Variants in FUT8 observed in about 807,000 individuals in gnomAD.
FUT8 encodes alpha-(1,6)-fucosyltransferase.
FUT8 carries 29 observed loss-of-function variants against 71.3 expected under a neutral mutation model. The ratio of observed to expected loss-of-function variants is 0.41; its 90% confidence interval spans 0.30 to 0.55. The LOEUF is 0.55. Ranked by LOEUF, FUT8 falls within the 20% of genes least tolerant of loss-of-function variation. FUT8 has a pLI of 0.34. For missense variants in FUT8, 544 were observed against 702.1 expected, an observed-to-expected ratio of 0.77 and a Z score of 2.55; for synonymous variants, 254 against 239.3, an observed-to-expected ratio of 1.06 and a Z score of -0.57.
intron 5 of FUT8, among the ~76,000 whole-genome samples, chr14:65,624,133 A>G (rs544901578): frequency 1.1e-4 from 16 of 152,336 alleles, no homozygotes; most frequent in African/African-American, 3.8e-4. Context: ...TTAAGGTTGT[A>G]TCCTGGACTT....
chr14:65,602,068 C>T lies in FUT8; in HGVS notation c.204-13910C>T, dbSNP rs557706164. Among the ~76,000 whole-genome samples the T allele has an allele frequency of 3.3e-5, 5 of 151,668 alleles. No individual in the cohort carries two copies. The South Asian group carries it at 1.0e-3, about 32-fold the overall frequency. ...AGTGGTGATTTGTGAGATTTTGATA[C>T]ACTCATCACCCGAGCAGTATACGCT... On this transcript the variant is annotated intron_variant, in intron 3 of 10. Coordinates refer to ENST00000673929, the MANE Select transcript of FUT8 (RefSeq NM_001371533.1).
rs941895119 is a variant in FUT8 at position 65,638,054 on chromosome 14, T to G, written c.597+8448T>G. Among the ~76,000 whole-genome samples the G allele has an allele frequency of 1.3e-5, 2 of 152,208 alleles. No individual in the cohort carries two copies. The highest frequency in any genetic ancestry group is 4.8e-5 in the African/African-American group (2 of 41,452). ...AACATTTAGGTTGATTTATTGCACC[T>G]GCGCCTAAGTTGGGTCAGTCGTTTC... On this transcript the variant is annotated intron_variant, in intron 6 of 10. Coordinates refer to ENST00000673929, the MANE Select transcript of FUT8 (RefSeq NM_001371533.1). This position sits in a 1 kb window ranked among gnomAD's most constrained non-coding sequence, Gnocchi z 4.5.
At chr14:65,608,801 C>CTTTCT (rs1888722994) in intron 3 of FUT8, among the ~76,000 whole-genome samples, 1 of 152,006 alleles carries the variant, frequency 6.6e-6, no homozygotes. Flanking sequence ...ATTGCTGCAG[C>CTTTCT]TGCACAGTCC....
chr14:65,475,294 G>A (rs1373303637), intron 2 of FUT8, among the ~76,000 whole-genome samples: 2 of 152,136 alleles, frequency 1.3e-5, no homozygotes, highest in East Asian at 1.9e-4. Flanking sequence ...CTCCCAAAAT[G>A]TGATTGAAAA....
rs58529276 is a variant in FUT8 at position 65,565,583 on chromosome 14, C to T, written c.203+3817C>T. On this transcript the variant is annotated intron_variant, in intron 3 of 10. Coordinates refer to ENST00000673929, the MANE Select transcript of FUT8 (RefSeq NM_001371533.1). ...ATATTTAACTTTATAAGAAGCAACC[C>T]AGTTCTTTTTCTAGAGTACCTGTAC... 1.2e-3 allele frequency among the ~76,000 whole-genome samples: 187 copies of T among 152,016 alleles called. 1 individual carries two copies. Among genetic ancestry groups the T allele is most frequent in the African/African-American group, 4.4e-3 (184 of 41,490 alleles).
intron 7 of FUT8, among the ~76,000 whole-genome samples, chr14:65,708,940 T>TATG (rs1176222953): frequency 5.3e-5 from 8 of 152,182 alleles, no homozygotes; most frequent in Admixed American, 5.2e-4. Flanking sequence ...TCTGTGGTAC[T>TATG]GCATGGTGAC....
chr14:65,464,528 C>A (rs1254086764), intron 2 of FUT8, among the ~76,000 whole-genome samples: 1 of 151,992 alleles, frequency 6.6e-6, no homozygotes, highest in Non-Finnish European at 1.5e-5. Flanking sequence ...TGGAGGAAAT[C>A]CTCCTCTATT....
intron 7 of FUT8, among the ~76,000 whole-genome samples, chr14:65,699,336 T>C (rs1455647386): frequency 1.3e-5 from 2 of 152,244 alleles, no homozygotes; most frequent in African/African-American, 4.8e-5. Context: ...CTCTGGAGTC[T>C]GACTGGTCTG....
At position 65,524,415 on chromosome 14, in the gene FUT8, A is replaced by G. The variant is rs186525270; in HGVS notation, c.-227-36922A>G. Among the ~76,000 whole-genome samples, 430 of 152,278 alleles carry G rather than the reference A, an allele frequency of 2.8e-3. 2 individuals are homozygous for G. The highest frequency in any genetic ancestry group is 9.8e-3 in the African/African-American group (409 of 41,544). On this transcript the variant is annotated intron_variant, in intron 2 of 10. Coordinates refer to ENST00000673929, the MANE Select transcript of FUT8 (RefSeq NM_001371533.1). ...GTAAGAATGCTTGTGATTTTTGCAC[A>G]TTGATTTTGTATCCTGAGACTTTGC... is the stretch of plus-strand genomic sequence containing the variant.
chr14:65,601,495 T>G (rs908765306), intron 3 of FUT8, among the ~76,000 whole-genome samples: 1 of 152,190 alleles, frequency 6.6e-6, no homozygotes, highest in African/African-American at 2.4e-5. Context: ...TATGTTAATC[T>G]TAGTAGTTTG....
At chr14:65,497,140 G>T (rs772200603) in intron 2 of FUT8, among the ~76,000 whole-genome samples, 2 of 152,110 alleles carry the variant, frequency 1.3e-5, no homozygotes, top group Non-Finnish European at 2.9e-5. Flanking sequence ...GTATGTAAAA[G>T]TTCATTTCCA....
At chr14:65,571,770 G>C (rs1245660904) in intron 3 of FUT8, among the ~76,000 whole-genome samples, 1 of 151,994 alleles carries the variant, frequency 6.6e-6, no homozygotes, top group African/African-American at 2.4e-5. Flanking sequence ...TGGAAGTAAA[G>C]TTTACATGGA....
intron 3 of FUT8, among the ~76,000 whole-genome samples, chr14:65,592,284 C>G: frequency 6.6e-6 from 1 of 151,986 alleles, no homozygotes; most frequent in East Asian, 1.9e-4. Flanking sequence ...AAATTCTAGA[C>G]AAAAGAATGA....
At chr14:65,503,371 T>C (rs2066677337) in intron 2 of FUT8, among the ~76,000 whole-genome samples, 1 of 152,206 alleles carries the variant, frequency 6.6e-6, no homozygotes, top group Non-Finnish European at 1.5e-5. Flanking sequence ...TTCCTGATGA[T>C]AGGACATCTG....
chr14:65,474,129 T>C (rs1185495968), intron 2 of FUT8, among the ~76,000 whole-genome samples: 1 of 151,958 alleles, frequency 6.6e-6, no homozygotes, highest in African/African-American at 2.4e-5. Flanking sequence ...AAATAGACTT[T>C]GGAGACTGAG....
intron 1 of FUT8, among the ~76,000 whole-genome samples, chr14:65,453,152 T>C (rs2065851832): frequency 6.6e-6 from 1 of 151,976 alleles, no homozygotes; most frequent in Admixed American, 6.6e-5. Flanking sequence ...TTTTTTTTTT[T>C]TTAAGAGATG....
At chr14:65,611,412 C>G (rs1888992520) in intron 3 of FUT8, among the ~76,000 whole-genome samples, 1 of 151,174 alleles carries the variant, frequency 6.6e-6, no homozygotes, top group Admixed American at 6.6e-5. Flanking sequence ...TTTAAAGAAC[C>G]AGATTTTAGT....
rs1480511468 is a variant in FUT8, at chr14:65,696,108, A to G, written c.836-25667A>G. On this transcript the variant is annotated intron_variant, in intron 7 of 10. Transcript: ENST00000673929. Reference sequence around the variant, plus strand: ...TCCATAAGCTATGATCACCAAATACATTGTTGCTAGTATTATTTTGAATAC... The same window carrying G: ...TCCATAAGCTATGATCACCAAATACGTTGTTGCTAGTATTATTTTGAATAC... Among the ~76,000 whole-genome samples, 5 of 152,158 alleles carry G rather than the reference A, an allele frequency of 3.3e-5. No homozygotes were observed. In the East Asian group the frequency reaches 9.6e-4, roughly 29 times the overall value.
At chr14:65,617,279 A>G in intron 5 of FUT8, 2 of 1,353,718 alleles carry the variant, frequency 1.5e-6, no homozygotes, top group East Asian at 2.6e-5. Flanking sequence ...AATTATAAAT[A>G]AAAATCTGTC....
Sources: gnomAD v4.1 joint callset for allele counts (sites outside exome capture counted in the v4.1 genomes callset) on GRCh38, gnomAD v4.1.1 for gene constraint, Gnocchi (gnomAD v3.1) non-coding constraint, MANE v1.5 for transcripts, NCBI Gene and HGNC (gene_info 2026-07-23, HGNC 2026-07-21) for gene names.